Variants in RALYL observed in about 807,000 individuals in gnomAD.
The protein encoded by RALYL is RALY RNA binding protein like.
Under a neutral mutation model 35.1 loss-of-function variants are expected in RALYL, and 29 were observed. The ratio of observed to expected loss-of-function variants is 0.83; its 90% CI spans 0.61 to 1.13. The LOEUF is 1.13. Among genes scored for constraint, RALYL ranks in the 50% most tolerant of loss-of-function variants. The pLI is 0.00. For missense variants in RALYL, 359 were observed against 360.4 expected, an observed-to-expected ratio of 1.00 and a Z score of 0.03; for synonymous variants, 120 against 127.6, an observed-to-expected ratio of 0.94 and a Z score of 0.40.
chr8:84,520,235 G>A (rs1190608375), intron 1 of RALYL, among the ~76,000 whole-genome samples: 2 of 152,200 alleles, frequency 1.3e-5, no homozygotes, highest in African/African-American at 4.8e-5. Flanking sequence ...TGCGGTCAGT[G>A]TATTTAGACA....
intron 1 of RALYL, among the ~76,000 whole-genome samples, chr8:84,234,771 T>C (rs35316399): frequency 9.0e-6 from 1 of 110,680 alleles, no homozygotes; most frequent in Non-Finnish European, 1.8e-5. Flanking sequence ...ATTTATTTAT[T>C]TTTTTTTTTT....
At position 84,757,136 on chromosome 8, in the gene RALYL, A is replaced by C. The variant is rs574501235; in HGVS notation, c.257-17443A>C. ...TAAGGAACTAATCTGTTATTTCTTA[A>C]TATGAATAAAATTTAGAGATATTTT... On this transcript the variant is annotated intron_variant, in intron 2 of 8. Transcript: ENST00000521268. 7.9e-5 allele frequency among the ~76,000 whole-genome samples: 12 copies of C among 152,276 alleles called. No individual in the cohort carries two copies. The South Asian group carries it at 2.5e-3, about 32-fold the overall frequency.
At chr8:84,884,105 T>C (rs1322047624) in intron 7 of RALYL, among the ~76,000 whole-genome samples, 1 of 152,038 alleles carries the variant, frequency 6.6e-6, no homozygotes, top group African/African-American at 2.4e-5. Context: ...ACGGAGCACA[T>C]CAAAATGTTT....
chr8:84,591,395 C>T (rs1033468825), intron 2 of RALYL, among the ~76,000 whole-genome samples: 10 of 152,242 alleles, frequency 6.6e-5, no homozygotes, highest in Non-Finnish European at 1.3e-4. Context: ...ATGTTTGGGT[C>T]GCTTCGCCTT....
intron 2 of RALYL, among the ~76,000 whole-genome samples, chr8:84,627,346 G>A (rs1427238439): frequency 6.7e-6 from 1 of 149,588 alleles, no homozygotes. Flanking sequence ...CCCAGATGAT[G>A]TTTTTATACT....
At chr8:84,249,843 G>A (rs1163344803) in intron 1 of RALYL, among the ~76,000 whole-genome samples, 1 of 149,562 alleles carries the variant, frequency 6.7e-6, no homozygotes. Context: ...ATAGTACCTG[G>A]AGTTAATGTA....
chr8:84,626,863 A>G (rs1822839517), intron 2 of RALYL, among the ~76,000 whole-genome samples: 1 of 152,198 alleles, frequency 6.6e-6, no homozygotes, highest in Non-Finnish European at 1.5e-5. Flanking sequence ...AGAAGAGAGT[A>G]ACAATAAATG....
At chr8:84,574,772 A>G (rs1305270519) in intron 2 of RALYL, among the ~76,000 whole-genome samples, 1 of 152,136 alleles carries the variant, frequency 6.6e-6, no homozygotes, top group East Asian at 1.9e-4. Context: ...TAACTCTGTC[A>G]TGGCTGAAAG....
At chr8:84,832,550 C>G (rs757276010) in intron 4 of RALYL, among the ~76,000 whole-genome samples, 4 of 151,910 alleles carry the variant, frequency 2.6e-5, no homozygotes, top group Non-Finnish European at 4.4e-5. Flanking sequence ...TTTTTGACTT[C>G]GCATCAGTTT....
At chr8:84,715,513 C>T (rs557955689) in intron 2 of RALYL, among the ~76,000 whole-genome samples, 1 of 151,802 alleles carries the variant, frequency 6.6e-6, no homozygotes, top group Non-Finnish European at 1.5e-5. Flanking sequence ...ATATCCCTAC[C>T]CTTTAAATCA....
intron 4 of RALYL, among the ~76,000 whole-genome samples, chr8:84,815,206 A>G (rs931611547): frequency 1.3e-5 from 2 of 152,200 alleles, no homozygotes; most frequent in African/African-American, 4.8e-5. Flanking sequence ...AGAGCCCAGA[A>G]TATATGCCAT....
chr8:84,476,110 G>A (rs1179810305), intron 1 of RALYL, among the ~76,000 whole-genome samples: 1 of 152,120 alleles, frequency 6.6e-6, no homozygotes, highest in Non-Finnish European at 1.5e-5. Context: ...TGGTACAGAG[G>A]GGAACATTTC....
chr8:84,529,951 G>A (rs1175368027), intron 2 of RALYL, among the ~76,000 whole-genome samples: 1 of 152,084 alleles, frequency 6.6e-6, no homozygotes, highest in Non-Finnish European at 1.5e-5. Flanking sequence ...CATTTGATCT[G>A]AGCCTAATGC....
intron 2 of RALYL, among the ~76,000 whole-genome samples, chr8:84,591,804 G>A (rs1442826978): frequency 6.6e-6 from 1 of 152,180 alleles, no homozygotes; most frequent in Non-Finnish European, 1.5e-5. Context: ...AAAAGCAAAT[G>A]AAATTCACAG....
intron 2 of RALYL, among the ~76,000 whole-genome samples, chr8:84,754,084 T>C (rs1012015391): frequency 6.6e-6 from 1 of 152,074 alleles, no homozygotes; most frequent in African/African-American, 2.4e-5. Flanking sequence ...TCCCATTTTG[T>C]AGGTTGCCTG....
chr8:84,307,643 C>T (rs917602920), intron 1 of RALYL, among the ~76,000 whole-genome samples: 9 of 152,034 alleles, frequency 5.9e-5, no homozygotes, highest in Admixed American at 6.6e-5. Flanking sequence ...TTTTTGGTGA[C>T]AAGAAGTTTG....
chr8:84,840,954 G>A (rs1833154948), intron 4 of RALYL, among the ~76,000 whole-genome samples: 1 of 152,116 alleles, frequency 6.6e-6, no homozygotes, highest in African/African-American at 2.4e-5. Context: ...CCCTAAAAGA[G>A]CTCCTGAAGG....
At chr8:84,392,635 G>A (rs1448598009) in intron 1 of RALYL, among the ~76,000 whole-genome samples, 1 of 151,996 alleles carries the variant, frequency 6.6e-6, no homozygotes, top group Admixed American at 6.6e-5. Context: ...AGAGACATCA[G>A]GAAACATTTT....
chr8:84,531,019 C>T (rs2059244320), intron 2 of RALYL, among the ~76,000 whole-genome samples: 1 of 152,002 alleles, frequency 6.6e-6, no homozygotes, highest in African/African-American at 2.4e-5. Context: ...CTTTACTGAC[C>T]AGCCTATCTA....
Sources: allele counts gnomAD v4.1 joint callset (sites outside exome capture counted in the v4.1 genomes callset), GRCh38; gene constraint gnomAD v4.1.1; transcripts MANE v1.5; gene names NCBI Gene and HGNC (gene_info 2026-07-23, HGNC 2026-07-21).